GPM6B: variants seen among roughly 807,000 people sequenced by gnomAD.
GPM6B encodes the protein neuronal membrane glycoprotein M6-b.
Under a neutral mutation model 27.2 loss-of-function variants are expected in GPM6B, and 4 were observed. The observed-to-expected ratio is 0.15, with a 90% CI of 0.07 to 0.34. The LOEUF is 0.34. Ranked by LOEUF, GPM6B falls within the 10% of genes least tolerant of loss-of-function variation. The probability of loss-of-function intolerance (pLI) is 1.00; values close to 1 mark genes in which losing one functional copy is unlikely to be tolerated. For synonymous variants in GPM6B, 124 were observed against 103.1 expected, an observed-to-expected ratio of 1.20 and a Z score of -1.23; for missense variants, 183 against 261.9, an observed-to-expected ratio of 0.70 and a Z score of 2.08.
chrX:13,906,147 T>A (rs768737024), intron 1 of GPM6B, among the ~76,000 whole-genome samples: 7 of 112,343 alleles, frequency 6.2e-5, no homozygotes, highest in African/African-American at 9.7e-5. Flanking sequence ...TGTGGCCGAA[T>A]TGTTTTTCTT....
chrX:13,865,542 CAAAAAAA>C (rs1171503867), intron 1 of GPM6B, among the ~76,000 whole-genome samples: 5 of 14,630 alleles, frequency 3.4e-4, no homozygotes, highest in East Asian at 1.3e-3. Context: ...TCCATCTCTT[CAAAAAAA>C]AAAAAAAAAA....
At chrX:13,870,752 G>A (rs2049966836) in intron 1 of GPM6B, among the ~76,000 whole-genome samples, 1 of 111,974 alleles carries the variant, frequency 8.9e-6, no homozygotes, top group Admixed American at 9.5e-5. Context: ...AATTCAAAGA[G>A]TATGTATGCA....
At chrX:13,833,388 T>C (rs1274410224) in intron 1 of GPM6B, among the ~76,000 whole-genome samples, 3 of 110,095 alleles carry the variant, frequency 2.7e-5, no homozygotes. Context: ...GAGAATAAGA[T>C]AGTGCAATGT....
intron 1 of GPM6B, among the ~76,000 whole-genome samples, chrX:13,881,440 A>C (rs1017212539): frequency 9.1e-5 from 10 of 110,305 alleles, no homozygotes; most frequent in Non-Finnish European, 1.5e-4. Flanking sequence ...TGGGCCCAGG[A>C]AACTGAGGCT....
At chrX:13,872,145 C>T (rs1159773312) in intron 1 of GPM6B, among the ~76,000 whole-genome samples, 4 of 67,941 alleles carry the variant, frequency 5.9e-5, no homozygotes, top group Non-Finnish European at 1.4e-4. Flanking sequence ...GGGGAGAAGG[C>T]TGCAATATGT....
chrX:13,870,178 T>G (rs1356735828), intron 1 of GPM6B, among the ~76,000 whole-genome samples: 2 of 112,383 alleles, frequency 1.8e-5, no homozygotes, highest in African/African-American at 6.5e-5. Context: ...ATGGTATTGA[T>G]GCAGGTTACT....
At chrX:13,795,420 A>ACACT (rs1262591139) in intron 2 of GPM6B, among the ~76,000 whole-genome samples, 1 of 111,573 alleles carries the variant, frequency 9.0e-6, no homozygotes, top group Non-Finnish European at 1.9e-5. Context: ...GGCCATTAAA[A>ACACT]CACTCCTCCA....
intron 1 of GPM6B, among the ~76,000 whole-genome samples, chrX:13,895,639 T>C (rs138306413): frequency 1.5e-3 from 164 of 111,793 alleles, no homozygotes; most frequent in Middle Eastern, 0.014. Flanking sequence ...ATCTCTATCA[T>C]AGGAAACAAT....
intron 1 of GPM6B, among the ~76,000 whole-genome samples, chrX:13,844,992 CTTT>C (rs11332362): frequency 2.2e-5 from 2 of 92,808 alleles, no homozygotes; most frequent in Non-Finnish European, 2.1e-5. Context: ...TTTTCTTTTT[CTTT>C]TTTTTTTTTT....
chrX:13,811,338 C>T (rs2049128114), intron 1 of GPM6B, among the ~76,000 whole-genome samples: 1 of 112,578 alleles, frequency 8.9e-6, no homozygotes, highest in Admixed American at 9.4e-5. Flanking sequence ...AAATGAACTT[C>T]AGACTGTCAT....
At chrX:13,807,893 G>T in intron 1 of GPM6B, 124 bp from the exon 2 acceptor site, 1 of 592,739 alleles carries the variant, frequency 1.7e-6, no homozygotes. Context: ...CTATTGAAAT[G>T]CAACCCTTCA....
intron 1 of GPM6B, among the ~76,000 whole-genome samples, chrX:13,830,637 T>A (rs752545634): frequency 1.6e-3 from 176 of 112,573 alleles, no homozygotes; most frequent in African/African-American, 5.5e-3. Flanking sequence ...GTGTCAGTGA[T>A]CCCACATACA....
chrX:13,830,054 C>G (rs1290159485), intron 1 of GPM6B, among the ~76,000 whole-genome samples: 1 of 110,805 alleles, frequency 9.0e-6, no homozygotes, highest in Non-Finnish European at 1.9e-5. Flanking sequence ...CCTGTGTTTT[C>G]AAGTGAAGTC....
At chrX:13,838,410 A>G (rs2049532053) in intron 1 of GPM6B, among the ~76,000 whole-genome samples, 1 of 112,731 alleles carries the variant, frequency 8.9e-6, no homozygotes, top group Admixed American at 9.4e-5. Flanking sequence ...AAAGGACTGC[A>G]TCTCAATTTG....
chrX:13,773,171 G>A (rs2048332444), intron 7 of GPM6B, 141 bp from the exon 8 acceptor site: 1 of 447,820 alleles, frequency 2.2e-6, no homozygotes, highest in Non-Finnish European at 3.6e-6. Context: ...TAGCAGAGCT[G>A]TCAGATCCTG....
At chrX:13,881,584 T>C (rs1413685482) in intron 1 of GPM6B, among the ~76,000 whole-genome samples, 1 of 80,855 alleles carries the variant, frequency 1.2e-5, no homozygotes, top group Non-Finnish European at 2.4e-5. Context: ...GCTAATGCTG[T>C]AATAGAATAG....
intron 1 of GPM6B, among the ~76,000 whole-genome samples, chrX:13,906,671 A>G (rs895274644): frequency 4.5e-5 from 5 of 112,302 alleles, no homozygotes; most frequent in African/African-American, 1.6e-4. Flanking sequence ...TAGGATTTTT[A>G]TGGGTTTTAA....
rs149592689 is a variant in GPM6B at position 13,890,624 on chromosome X, C to T, written c.-198+47703G>A. The stretch of plus-strand genomic sequence containing the variant: ...ACCAGGGTTTCTGTCTCAGCACCAT[C>T]GATACTTGGGGCCCTTTCATTCTTT... On this transcript the variant is annotated intron_variant, in intron 1 of 6. Transcript: ENST00000398361. Among the ~76,000 whole-genome samples the T allele has an allele frequency of 4.5e-5, 5 of 111,154 alleles. No homozygotes were observed. The East Asian group carries it at 1.1e-3, about 25-fold the overall frequency.
upstream of GPM6B, among the ~76,000 whole-genome samples, chrX:13,820,185 T>C (rs2049292056): frequency 2.7e-5 from 3 of 111,269 alleles, no homozygotes; most frequent in South Asian, 1.1e-3. Flanking sequence ...AGTATGAGAC[T>C]AGAGGCTGGC....
Sources: gnomAD v4.1 joint callset for allele counts (sites outside exome capture counted in the v4.1 genomes callset) on GRCh38, gnomAD v4.1.1 for gene constraint, MANE v1.5 for transcripts, NCBI Gene and HGNC (gene_info 2026-07-23, HGNC 2026-07-21) for gene names.